The following DIAPH2 variants were observed in gnomAD, a reference collection of about 807,000 sequenced individuals.
DIAPH2 encodes the protein diaphanous related formin 2, also known as protein diaphanous homolog 2.
In DIAPH2, 35 loss-of-function variants were observed where a neutral mutation model predicts 92.7. The ratio of observed to expected loss-of-function variants is 0.38; its 90% CI spans 0.29 to 0.50. The LOEUF (loss-of-function observed/expected upper bound fraction) is 0.50. DIAPH2 is among the 20% of genes least tolerant of loss of function. DIAPH2 has a pLI of 0.94. For missense variants in DIAPH2, 701 were observed against 819.5 expected, an observed-to-expected ratio of 0.86 and a Z score of 1.77; for synonymous variants, 301 against 280.4, an observed-to-expected ratio of 1.07 and a Z score of -0.73.
At chrX:96,830,440 G>A (rs960897942) in intron 4 of DIAPH2, among the ~76,000 whole-genome samples, 2 of 107,725 alleles carry the variant, frequency 1.9e-5, no homozygotes, top group Non-Finnish European at 3.8e-5. Context: ...GCATGGTGGC[G>A]GGTGCCTGTA....
At chrX:97,245,242 G>C (rs781309432) in intron 22 of DIAPH2, among the ~76,000 whole-genome samples, 1 of 110,592 alleles carries the variant, frequency 9.0e-6, no homozygotes, top group African/African-American at 3.3e-5. Flanking sequence ...AGGCTCAAGC[G>C]ATCCTCCTAA....
At chrX:96,945,650 TC>T in intron 14 of DIAPH2, 59 bp downstream of exon 14, 3 of 815,005 alleles carry the variant, frequency 3.7e-6, no homozygotes, top group Non-Finnish European at 5.1e-6. Context: ...ACAGTAATAC[TC>T]TACCTTCTTT....
At chrX:97,294,349 G>A (rs1005034510) in intron 23 of DIAPH2, among the ~76,000 whole-genome samples, 3 of 111,846 alleles carry the variant, frequency 2.7e-5, no homozygotes, top group Admixed American at 1.9e-4. Context: ...ATTCCAGTTC[G>A]TTGGTCTTAA....
At chrX:97,343,934 G>A (rs905757323) in intron 23 of DIAPH2, among the ~76,000 whole-genome samples, 1 of 111,387 alleles carries the variant, frequency 9.0e-6, no homozygotes, top group Non-Finnish European at 1.9e-5. Flanking sequence ...CTATTACAGT[G>A]TCTACATTCT....
intron 20 of DIAPH2, among the ~76,000 whole-genome samples, chrX:97,112,576 C>T (rs1023493076): frequency 9.1e-6 from 1 of 109,522 alleles, no homozygotes; most frequent in African/African-American, 3.3e-5. Flanking sequence ...GACTTTGATG[C>T]GATTAGCTTC....
intron 1 of DIAPH2, among the ~76,000 whole-genome samples, chrX:96,691,094 C>G (rs2063795830): frequency 8.9e-6 from 1 of 111,804 alleles, no homozygotes; most frequent in Non-Finnish European, 1.9e-5. Flanking sequence ...TCTTTTCCAA[C>G]CTGCTTTCAA....
intron 26 of DIAPH2, among the ~76,000 whole-genome samples, chrX:97,484,980 G>A (rs1341435082): frequency 2.7e-5 from 3 of 112,352 alleles, no homozygotes; most frequent in African/African-American, 9.7e-5. Flanking sequence ...AGTAGCACAT[G>A]CTTACTGGCA....
In DIAPH2 at chrX:97,312,539, G is replaced by A. The variant is rs1187238165; in HGVS notation, c.2845-35577G>A. ...TAATTTTTATATTTTTAGTAGAGAC[G>A]GGGTTTTGCCATGCTGGCCAGGCTG... On this transcript the variant is annotated intron_variant, in intron 23 of 26. Transcript: ENST00000324765. Among the ~76,000 whole-genome samples, 9 of 108,864 alleles carry A rather than the reference G, an allele frequency of 8.3e-5. No homozygotes were observed. In the East Asian group the frequency reaches 1.2e-3, roughly 14 times the overall value. 94.5% of individuals were successfully genotyped at this position (108,864 alleles called of 115,157 possible).
intron 2 of DIAPH2, among the ~76,000 whole-genome samples, chrX:96,737,201 C>T (rs1303531715): frequency 2.7e-5 from 3 of 111,837 alleles, no homozygotes; most frequent in African/African-American, 9.7e-5. Context: ...TTCTTCTCAG[C>T]TCTAAAATAC....
At chrX:96,938,677 T>C (rs1254548024) in intron 11 of DIAPH2, among the ~76,000 whole-genome samples, 1 of 112,324 alleles carries the variant, frequency 8.9e-6, no homozygotes, top group Non-Finnish European at 1.9e-5. Context: ...TGATTTCTAG[T>C]TTACTAAAAG....
At chrX:97,320,113 A>G (rs779580542) in intron 23 of DIAPH2, among the ~76,000 whole-genome samples, 31 of 106,338 alleles carry the variant, frequency 2.9e-4, no homozygotes, top group Middle Eastern at 4.9e-3. Flanking sequence ...AAAAAAATAT[A>G]TATATATATA....
chrX:97,505,896 G>T (rs1239698764), intron 26 of DIAPH2, among the ~76,000 whole-genome samples: 1 of 110,543 alleles, frequency 9.0e-6, no homozygotes, highest in Non-Finnish European at 1.9e-5. Flanking sequence ...AGGATTGTTG[G>T]GTTGATGTGG....
At chrX:97,019,300 C>T (rs774601951) in intron 17 of DIAPH2, among the ~76,000 whole-genome samples, 1 of 111,189 alleles carries the variant, frequency 9.0e-6, no homozygotes, top group South Asian at 3.8e-4. Flanking sequence ...CTACTTTATC[C>T]CTATCCCTCC....
intron 26 of DIAPH2, among the ~76,000 whole-genome samples, chrX:97,476,944 CAAAAAAA>C (rs958991841): frequency 1.5e-4 from 2 of 13,396 alleles, no homozygotes; most frequent in South Asian, 7.9e-3. Context: ...AACTCTGTCT[CAAAAAAA>C]AAAAAAAAAA....
chrX:97,194,301 T>TGA (rs1215049273), intron 22 of DIAPH2, among the ~76,000 whole-genome samples: 3 of 108,035 alleles, frequency 2.8e-5, no homozygotes, highest in African/African-American at 3.4e-5. Flanking sequence ...TTTTTTTTTT[T>TGA]GACGGAGTCT....
intron 17 of DIAPH2, among the ~76,000 whole-genome samples, chrX:97,023,245 C>T (rs1404041503): frequency 9.0e-6 from 1 of 111,299 alleles, no homozygotes; most frequent in Non-Finnish European, 1.9e-5. Flanking sequence ...ACTTGCTATT[C>T]TTATTCTTTC....
rs771032478 is a variant in DIAPH2 at position 96,768,972 on chromosome X, G to A, written c.447+10714G>A. ...GCCGTGGAACGACAAAATCCAAGGT[G>A]TATTTGGGGAAGAGAAAGGTAGCAG... On this transcript the variant is annotated intron_variant, in intron 4 of 26. Transcript: ENST00000324765. Among the ~76,000 whole-genome samples, 6 of 111,612 alleles carry A rather than the reference G, an allele frequency of 5.4e-5. No individual in the cohort carries two copies. The South Asian group carries it at 1.5e-3, about 29-fold the overall frequency.
intron 26 of DIAPH2, among the ~76,000 whole-genome samples, chrX:97,598,295 G>T (rs942999940): frequency 1.8e-5 from 2 of 112,018 alleles, no homozygotes; most frequent in Non-Finnish European, 3.8e-5. Flanking sequence ...CATCACTAAA[G>T]CAGAGATAAT....
At chrX:97,187,746 T>G (rs1372647556) in intron 22 of DIAPH2, among the ~76,000 whole-genome samples, 1 of 111,617 alleles carries the variant, frequency 9.0e-6, no homozygotes, top group Non-Finnish European at 1.9e-5. Flanking sequence ...AATCAAAAAT[T>G]AAGAGAACTA....
Sources: gnomAD v4.1 joint callset for allele counts (sites outside exome capture counted in the v4.1 genomes callset) on GRCh38, gnomAD v4.1.1 for gene constraint, MANE v1.5 for transcripts, NCBI Gene and HGNC (gene_info 2026-07-23, HGNC 2026-07-21) for gene names.